The following GOLIM4 variants were observed in gnomAD, a reference collection of about 807,000 sequenced individuals.
The protein encoded by GOLIM4 is golgi integral membrane protein 4, also known as 130 kDa golgi-localized phosphoprotein.
In GOLIM4, 71 loss-of-function variants were observed where a neutral mutation model predicts 107.4. The observed-to-expected ratio is 0.66, with a 90% CI of 0.55 to 0.81. GOLIM4 has a LOEUF of 0.81. Ranked by LOEUF, GOLIM4 falls within the 30% of genes least tolerant of loss-of-function variation. The pLI is 0.00. For synonymous variants in GOLIM4, 327 were observed against 294.8 expected, an observed-to-expected ratio of 1.11 and a Z score of -1.12; for missense variants, 830 against 826.1, an observed-to-expected ratio of 1.00 and a Z score of -0.06.
intron 2 of GOLIM4, among the ~76,000 whole-genome samples, 185 bp from the exon 3 acceptor site, chr3:168,047,184 G>T (rs921859145): frequency 1.3e-5 from 2 of 152,100 alleles, no homozygotes; most frequent in Non-Finnish European, 2.9e-5. Context: ...AAAACATACA[G>T]CTTCCTCTTT....
intron 1 of GOLIM4, among the ~76,000 whole-genome samples, chr3:168,059,222 A>T (rs1720133877): frequency 6.6e-6 from 1 of 152,216 alleles, no homozygotes; most frequent in Non-Finnish European, 1.5e-5. Flanking sequence ...AGCAAAAAGG[A>T]AACAACCTAA....
At chr3:168,057,903 T>C (rs1259980369) in intron 1 of GOLIM4, among the ~76,000 whole-genome samples, 1 of 152,168 alleles carries the variant, frequency 6.6e-6, no homozygotes, top group Non-Finnish European at 1.5e-5. Flanking sequence ...CTCTTCCACC[T>C]TTCCCTGCCA....
intron 4 of GOLIM4, among the ~76,000 whole-genome samples, chr3:168,043,956 C>T (rs1352431009): frequency 6.6e-6 from 1 of 152,168 alleles, no homozygotes; most frequent in Non-Finnish European, 1.5e-5. Context: ...TCTGGTAACT[C>T]AGTTTAAAAG....
chr3:168,029,252 T>A lies in GOLIM4; in HGVS notation c.1484A>T (p.Glu495Val), dbSNP rs1272492627. The A allele has an allele frequency of 1.9e-6, 3 of 1,610,884 alleles. No individual in the cohort carries two copies. In the Admixed American group the frequency reaches 5.0e-5, roughly 27 times the overall value. ...TTCCTCTCCTTGGATTCCCTGGTCC[T>A]CTGCTCCCTGAACGATATCATTATC... is the stretch of plus-strand genomic sequence containing the variant. Reference protein sequence around the residue: ...AMDNDIVQGAEDQGIQGEEGA... With the variant: ...AMDNDIVQGAVDQGIQGEEGA... Residue 495 changes from glutamate (E) to valine (V), a missense_variant, in exon 11 of 16, where the codon GAG becomes GTG. Glu to Val is a moderately radical substitution (Grantham distance 121). Coordinates refer to ENST00000470487, the MANE Select transcript of GOLIM4 (RefSeq NM_014498.5).
intron 1 of GOLIM4, among the ~76,000 whole-genome samples, chr3:168,092,850 AAAAC>A (rs1721981344): frequency 6.6e-6 from 1 of 152,376 alleles, no homozygotes; most frequent in South Asian, 2.1e-4. Flanking sequence ...ACAAAAAACA[AAAAC>A]AAACAAAAAA....
chr3:168,010,127 C>T lies in GOLIM4; in HGVS notation c.*142G>A, dbSNP rs146393140. ...CAAAATATATTCATATAAATGTATG[C>T]GCATTTCTAATACAAAAGTTTTAAA... On this transcript the variant is annotated 3_prime_UTR_variant, in exon 16 of 16. Coordinates refer to ENST00000470487, the MANE Select transcript of GOLIM4 (RefSeq NM_014498.5). 1,290 of 617,168 alleles carry T rather than the reference C, an allele frequency of 2.1e-3. 8 individuals carry two copies. The highest frequency in any genetic ancestry group is 0.019 in the Middle Eastern group (70 of 3,634). 38.2% of individuals were successfully genotyped at this position (617,168 alleles called of 1,614,324 possible). A position where few individuals can be genotyped will look rare whatever the true frequency, so the allele number is the denominator to read the frequency against.
chr3:168,025,657 G>C (rs1577511492), intron 12 of GOLIM4, among the ~76,000 whole-genome samples: 1 of 152,290 alleles, frequency 6.6e-6, no homozygotes, highest in East Asian at 1.9e-4. Flanking sequence ...TTCTAGTATG[G>C]ATCCAATTTC....
chr3:168,025,819 G>A (rs907030417), intron 12 of GOLIM4, among the ~76,000 whole-genome samples: 2 of 152,116 alleles, frequency 1.3e-5, no homozygotes, highest in African/African-American at 4.8e-5. Context: ...GCTCAACAAA[G>A]GCCCTTCATA....
In GOLIM4 at chr3:168,010,252, C is replaced by T. The variant is rs755916799; in HGVS notation, c.*17G>A. On this transcript the variant is annotated 3_prime_UTR_variant, in exon 16 of 16. Coordinates refer to ENST00000470487, the MANE Select transcript of GOLIM4 (RefSeq NM_014498.5). ...AAAGAATCCGTTGGCTGAGCGTTGT[C>T]TAGAAATTGGGTGCCGCTACATTTC... 4 of 1,607,058 alleles carry T rather than the reference C, an allele frequency of 2.5e-6. No individual in the cohort carries two copies. The African/African-American group carries it at 4.0e-5, about 16-fold the overall frequency.
intron 14 of GOLIM4, among the ~76,000 whole-genome samples, chr3:168,021,912 C>T (rs943983402): frequency 2.6e-5 from 4 of 152,076 alleles, no homozygotes; most frequent in South Asian, 4.2e-4. Flanking sequence ...AAAGCTTACA[C>T]GGCACTTTTT....
chr3:168,070,210 G>A (rs1253328340), intron 1 of GOLIM4, among the ~76,000 whole-genome samples: 1 of 152,140 alleles, frequency 6.6e-6, no homozygotes, highest in Admixed American at 6.5e-5. Context: ...TGGCTAACAT[G>A]GTGAAACCCC....
At chr3:168,026,532 A>G (rs566204982) in intron 12 of GOLIM4, among the ~76,000 whole-genome samples, 4 of 152,268 alleles carry the variant, frequency 2.6e-5, no homozygotes, top group African/African-American at 9.6e-5. Context: ...CCCAAAACAA[A>G]CAAACAGATG....
chr3:168,081,153 AGGGAAGG>A (rs1427504146), intron 1 of GOLIM4, among the ~76,000 whole-genome samples: 17 of 152,334 alleles, frequency 1.1e-4, no homozygotes, highest in South Asian at 8.3e-4. Flanking sequence ...AATCATACTA[AGGGAAGG>A]GACAGCCCAA....
At chr3:168,042,479 C>T (rs892078821) in intron 5 of GOLIM4, among the ~76,000 whole-genome samples, 3 of 152,138 alleles carry the variant, frequency 2.0e-5, no homozygotes, top group Non-Finnish European at 4.4e-5. Context: ...TGGGGTTTCG[C>T]CATTTTGGCC....
intron 11 of GOLIM4, 64 bp from the exon 12 acceptor site, chr3:168,027,901 A>G: frequency 1.9e-6 from 2 of 1,066,678 alleles, no homozygotes; most frequent in South Asian, 1.3e-5. Flanking sequence ...CTTTCAACTC[A>G]AAGAAAAGCC....
chr3:168,047,858 G>A (rs1719400409), intron 2 of GOLIM4, among the ~76,000 whole-genome samples: 1 of 152,038 alleles, frequency 6.6e-6, no homozygotes, highest in Admixed American at 6.6e-5. Flanking sequence ...AATGGACAAT[G>A]GGATCAATTC....
chr3:168,060,204 G>A (rs1033312000), intron 1 of GOLIM4, among the ~76,000 whole-genome samples: 1 of 151,900 alleles, frequency 6.6e-6, no homozygotes, highest in African/African-American at 2.4e-5. Context: ...GACTACAGGT[G>A]CATACCACCA....
At chr3:168,080,465 T>C (rs1008254809) in intron 1 of GOLIM4, among the ~76,000 whole-genome samples, 1 of 152,186 alleles carries the variant, frequency 6.6e-6, no homozygotes, top group Non-Finnish European at 1.5e-5. Flanking sequence ...AGCTCCTCAG[T>C]CACACTGGGA....
chr3:168,027,725 T>C lies in GOLIM4; in HGVS notation c.1623+3A>G. On this transcript the variant is annotated splice_donor_region_variant and intron_variant, in intron 12 of 15. Coordinates refer to ENST00000470487, the MANE Select transcript of GOLIM4 (RefSeq NM_014498.5). ...TGTCAGGGGCAGAAGAGAGGATACTTACATCTGCCTCAGATTCTGGGTCGG... is the reference window on the plus strand; with the variant it reads ...TGTCAGGGGCAGAAGAGAGGATACTCACATCTGCCTCAGATTCTGGGTCGG... 1 of 1,554,732 alleles carries C rather than the reference T, an allele frequency of 6.4e-7. No individual in the cohort carries two copies. The highest frequency in any genetic ancestry group is 8.9e-7 in the Non-Finnish European group (1 of 1,125,752).
Sources: allele counts gnomAD v4.1 joint callset (sites outside exome capture counted in the v4.1 genomes callset), GRCh38; gene constraint gnomAD v4.1.1; transcripts MANE v1.5; gene names NCBI Gene and HGNC (gene_info 2026-07-23, HGNC 2026-07-21).